Variants in SFTPA1 observed in about 807,000 individuals in gnomAD.
SFTPA1 encodes the protein surfactant protein A1.
In SFTPA1, 13 loss-of-function variants were observed where a neutral mutation model predicts 19.1. That is an observed-to-expected ratio of 0.68 (90% confidence interval 0.44 to 1.08). The LOEUF (loss-of-function observed/expected upper bound fraction) is 1.08. SFTPA1 is among the 50% of genes least tolerant of loss of function. The probability of loss-of-function intolerance (pLI) is 0.00; values close to 1 mark genes in which losing one functional copy is unlikely to be tolerated. For missense variants in SFTPA1, 259 were observed against 316.4 expected, an observed-to-expected ratio of 0.82 and a Z score of 1.38; for synonymous variants, 101 against 117.0, an observed-to-expected ratio of 0.86 and a Z score of 0.88.
Position 79,613,859 on chromosome 10 carries a change from C to G in SFTPA1, c.493C>G (p.Pro165Ala). Reference sequence around the variant, plus strand: ...CAGAGCAGGCGGCCGCATTGCTGTCCCAAGGAATCCAGAGGAAAATGAGGC... The same window carrying G: ...CAGAGCAGGCGGCCGCATTGCTGTCGCAAGGAATCCAGAGGAAAATGAGGC... ...CARAGGRIAV[P>A]RNPEENEAIA... Residue 165 changes from proline (P) to alanine (A), a missense_variant, in exon 6 of 6, where the codon CCA becomes GCA. Coordinates refer to ENST00000398636, the MANE Select transcript of SFTPA1 (RefSeq NM_005411.5). 6.2e-7 allele frequency: 1 copy of G among 1,613,888 alleles called. No homozygotes were observed. Among genetic ancestry groups the G allele is most frequent in the South Asian group, 1.1e-5 (1 of 91,080 alleles).
intron 5 of SFTPA1, among the ~76,000 whole-genome samples, 178 bp from the exon 6 acceptor site, chr10:79,613,559 T>G (rs1457651097): frequency 1.3e-5 from 2 of 152,106 alleles, no homozygotes; most frequent in African/African-American, 2.4e-5. Flanking sequence ...GGTGAATGAA[T>G]AAATGGAGGA....
rs1859871456 is a variant in SFTPA1 at position 79,611,892 on chromosome 10, A to G, written c.67A>G (p.Lys23Glu). 2 of 1,613,940 alleles carry G rather than the reference A, an allele frequency of 1.2e-6. No individual in the cohort carries two copies. The highest frequency in any genetic ancestry group is 1.7e-6 in the Non-Finnish European group (2 of 1,179,850). ...MAASGAVCEV[K>E]DVCVGSPGIP... ...AGCCTCTGGTGCTGTGTGCGAAGTG[A>G]AGGACGTTTGTGTTGGAAGCCCTGG... The change falls in exon 3 of 6, where the codon AAG becomes GAG. Residue 23 changes from lysine to glutamate, a missense_variant. Coordinates refer to ENST00000398636, the MANE Select transcript of SFTPA1 (RefSeq NM_005411.5).
At chr10:79,613,466 G>A (rs1259514632) in intron 5 of SFTPA1, among the ~76,000 whole-genome samples, 200 bp downstream of exon 5, 2 of 152,190 alleles carry the variant, frequency 1.3e-5, no homozygotes, top group African/African-American at 2.4e-5. Context: ...CCATTTCATA[G>A]GAAAGCAAGT....
chr10:79,612,295 G>A lies in SFTPA1; in HGVS notation c.173-17G>A. On this transcript the variant is annotated splice_polypyrimidine_tract_variant and intron_variant, in intron 3 of 5. Transcript: ENST00000398636. ...TGGGTGACAGATCCTACACATCCATGTCTCTTTTCTCTGCAGGCCCCATGG... is the reference window on the plus strand; with the variant it reads ...TGGGTGACAGATCCTACACATCCATATCTCTTTTCTCTGCAGGCCCCATGG... 1 of 1,613,870 alleles carries A rather than the reference G, an allele frequency of 6.2e-7. No individual in the cohort carries two copies. Among genetic ancestry groups the A allele is most frequent in the South Asian group, 1.1e-5 (1 of 91,080 alleles).
In SFTPA1 at chr10:79,612,950, AG is replaced by A. The variant is rs1859948112; in HGVS notation, c.293-237del. Among the ~76,000 whole-genome samples the A allele has an allele frequency of 3.3e-5, 5 of 152,050 alleles. No homozygotes were observed. In the South Asian group the frequency reaches 1.0e-3, roughly 32 times the overall value. Reference sequence around the variant, plus strand: ...GACAGAACCCCTCGAGGGACAGAGCAGGAAAGAGGACAAGGGGTGGGGGTCT... The same window carrying A: ...GACAGAACCCCTCGAGGGACAGAGCAGAAAGAGGACAAGGGGTGGGGGTCT... On this transcript the variant is annotated intron_variant, in intron 4 of 5. Coordinates refer to ENST00000398636, the MANE Select transcript of SFTPA1 (RefSeq NM_005411.5).
chr10:79,613,957 C>T lies in SFTPA1; in HGVS notation c.591C>T (p.Asp197=), dbSNP rs1860017090. Residue 197 remains aspartate, a synonymous_variant, in exon 6 of 6, where the codon GAC becomes GAT. Transcript: ENST00000398636. Reference sequence around the variant, plus strand: ...TGACTGAGGGTCCCAGCCCTGGAGACTTCCGCTACTCAGACGGGACCCCTG... The same window carrying T: ...TGACTGAGGGTCCCAGCCCTGGAGATTTCCGCTACTCAGACGGGACCCCTG... ...VGLTEGPSPG[D]FRYSDGTPVN... 6.2e-7 allele frequency: 1 copy of T among 1,614,170 alleles called. No individual in the cohort carries two copies. Among genetic ancestry groups the T allele is most frequent in the South Asian group, 1.1e-5 (1 of 91,086 alleles).
Position 79,615,343 on chromosome 10 carries a change from C to T in SFTPA1, c.*1230C>T. The T allele has an allele frequency of 3.9e-6, 1 of 254,696 alleles. No homozygotes were observed. Among genetic ancestry groups the T allele is most frequent in the Non-Finnish European group, 8.1e-6 (1 of 123,386 alleles). 15.8% of individuals were successfully genotyped at this position (254,696 alleles called of 1,614,324 possible). On this transcript the variant is annotated 3_prime_UTR_variant, in exon 6 of 6. Coordinates refer to ENST00000398636, the MANE Select transcript of SFTPA1 (RefSeq NM_005411.5). Reference sequence around the variant, plus strand: ...AGAGAGCAAGTGGCAGAGGCTGGATCCAAACCCATCTTCCTGGACCTGAAG... The same window carrying T: ...AGAGAGCAAGTGGCAGAGGCTGGATTCAAACCCATCTTCCTGGACCTGAAG...
chr10:79,614,092 A>G lies in SFTPA1; in HGVS notation c.726A>G (p.Arg242=). The part of the protein sequence containing the change: ...QWNDRNCLYS[R]LTICEF Reference sequence around the variant, plus strand: ...ATGACAGGAACTGCCTGTACTCCCGACTGACCATCTGTGAGTTCTGAGAGG... The same window carrying G: ...ATGACAGGAACTGCCTGTACTCCCGGCTGACCATCTGTGAGTTCTGAGAGG... Residue 242 remains arginine (R), a synonymous_variant, in exon 6 of 6, where the codon CGA becomes CGG. Coordinates refer to ENST00000398636, the MANE Select transcript of SFTPA1 (RefSeq NM_005411.5). The G allele has an allele frequency of 2.5e-6, 4 of 1,614,210 alleles. No homozygotes were observed. Among genetic ancestry groups the G allele is most frequent in the Non-Finnish European group, 3.4e-6 (4 of 1,180,026 alleles).
chr10:79,612,281 T>G, intron 3 of SFTPA1, 31 bp from the exon 4 acceptor site: 1 of 1,613,770 alleles, frequency 6.2e-7, no homozygotes, highest in Non-Finnish European at 8.5e-7. Flanking sequence ...GGGTGACAGA[T>G]CCTACACATC....
At position 79,611,590 on chromosome 10, in the gene SFTPA1, C is replaced by G. The variant is rs1016233754; in HGVS notation, c.-24+201C>G. ...TTCCTCCTCCTCAGCAGCCTGGAGA[C>G]CCCACAACCTCCAGCCGGAGGCCTG... On this transcript the variant is annotated intron_variant, in intron 2 of 5. Coordinates refer to ENST00000398636, the MANE Select transcript of SFTPA1 (RefSeq NM_005411.5). The G allele has an allele frequency of 3.8e-5, 59 of 1,550,644 alleles. No homozygotes were observed. The East Asian group carries it at 1.4e-3, about 38-fold the overall frequency.
At chr10:79,613,317 C>T (rs1486880725) in intron 5 of SFTPA1, 51 bp downstream of exon 5, 1 of 1,610,052 alleles carries the variant, frequency 6.2e-7, no homozygotes, top group South Asian at 1.1e-5. Flanking sequence ...ACAAATTCCC[C>T]TCATTCTCAG....
rs552268894 is a variant in SFTPA1 at position 79,614,833 on chromosome 10, C to T, written c.*720C>T. 16 of 481,024 alleles carry T rather than the reference C, an allele frequency of 3.3e-5. 1 individual carries two copies. Among genetic ancestry groups the T allele is most frequent in the African/African-American group, 1.8e-4 (9 of 48,978 alleles). 29.8% of individuals were successfully genotyped at this position (481,024 alleles called of 1,614,324 possible). On this transcript the variant is annotated 3_prime_UTR_variant, in exon 6 of 6. Transcript: ENST00000398636. ...CCTAGAGCCGCCTTCAGATGTGACC[C>T]GAGTAACTTTCAACTGATGAACAAA...
At chr10:79,612,465 ATG>A (rs1275226196) in intron 4 of SFTPA1, 34 bp downstream of exon 4, 1 of 1,603,926 alleles carries the variant, frequency 6.2e-7, no homozygotes, top group Non-Finnish European at 8.5e-7. Context: ...CAGTGGAAAC[ATG>A]GGCACAGCGA....
chr10:79,612,407 G>A lies in SFTPA1; in HGVS notation c.268G>A (p.Glu90Lys). The change falls in exon 4 of 6, where the codon GAG (glutamate) becomes AAG (lysine). Residue 90 changes from glutamate to lysine, a missense_variant. By Grantham distance (56) the Glu-to-Lys change is moderately conservative (BLOSUM62 1). Coordinates refer to ENST00000398636, the MANE Select transcript of SFTPA1 (RefSeq NM_005411.5). ...GIPGECGEKGEPGERGPPGLP... is the reference protein window; with the variant it reads ...GIPGECGEKGKPGERGPPGLP... ...CCCTGGAGAGTGTGGAGAGAAGGGG[G>A]AGCCTGGCGAGAGGGGCCCTCCAGG... is the stretch of plus-strand genomic sequence containing the variant. 2.5e-6 allele frequency: 4 copies of A among 1,613,696 alleles called. No individual in the cohort carries two copies. The highest frequency in any genetic ancestry group is 1.7e-4 in the Middle Eastern group (1 of 6,056).
Position 79,614,096 on chromosome 10 carries a change from A to G in SFTPA1, c.730A>G (p.Thr244Ala). ...NDRNCLYSRL[T>A]ICEF ...CAGGAACTGCCTGTACTCCCGACTG[A>G]CCATCTGTGAGTTCTGAGAGGCATT... The change falls in exon 6 of 6, where the codon ACC becomes GCC. Residue 244 changes from threonine to alanine, a missense_variant. By Grantham distance (58) the Thr-to-Ala change is moderately conservative (BLOSUM62 0). Coordinates refer to ENST00000398636, the MANE Select transcript of SFTPA1 (RefSeq NM_005411.5). 1.2e-6 allele frequency: 2 copies of G among 1,614,160 alleles called. No homozygotes were observed. The highest frequency in any genetic ancestry group is 1.3e-5 in the African/African-American group (1 of 75,044).
Position 79,614,915 on chromosome 10 carries a change from T to C in SFTPA1, c.*802T>C. ...TCACACCACCCCCCACACCACTGGC[T>C]CTGCTTTCTCCTTTCATTAATCCAT... On this transcript the variant is annotated 3_prime_UTR_variant, in exon 6 of 6. Coordinates refer to ENST00000398636, the MANE Select transcript of SFTPA1 (RefSeq NM_005411.5). 8.7e-7 allele frequency: 1 copy of C among 1,152,544 alleles called. No individual in the cohort carries two copies. The highest frequency in any genetic ancestry group is 1.2e-6 in the Non-Finnish European group (1 of 863,584). 71.4% of individuals were successfully genotyped at this position (1,152,544 alleles called of 1,614,324 possible). A position where few individuals can be genotyped will look rare whatever the true frequency, so the allele number is the denominator to read the frequency against.
At position 79,613,847 on chromosome 10, in the gene SFTPA1, C is replaced by T. The variant is rs771474114; in HGVS notation, c.481C>T (p.Arg161Cys). 2.1e-5 allele frequency: 34 copies of T among 1,613,868 alleles called. No individual in the cohort carries two copies. The highest frequency in any genetic ancestry group is 1.7e-4 in the Middle Eastern group (1 of 6,056). Residue 161 changes from arginine to cysteine, a missense_variant, in exon 6 of 6, where the codon CGC (arginine) becomes TGC (cysteine). By Grantham distance (180) the Arg-to-Cys change is radical. Coordinates refer to ENST00000398636, the MANE Select transcript of SFTPA1 (RefSeq NM_005411.5). ...IQEACARAGG[R>C]IAVPRNPEEN... ...GGAGGCATGTGCCAGAGCAGGCGGC[C>T]GCATTGCTGTCCCAAGGAATCCAGA...
intron 3 of SFTPA1, 71 bp downstream of exon 3, chr10:79,612,068 C>T (rs993494406): frequency 5.0e-6 from 8 of 1,591,448 alleles, no homozygotes; most frequent in Admixed American, 1.7e-5. Context: ...TCTGTCCAGG[C>T]CCCTAGGCTG....
In SFTPA1 at chr10:79,614,280, C is replaced by A; in HGVS notation, c.*167C>A. The stretch of plus-strand genomic sequence containing the variant: ...ACTTCATTCCTCTGATGGGCCCTGA[C>A]TCTTCCCCATAATCACTGACCAGCC... On this transcript the variant is annotated 3_prime_UTR_variant, in exon 6 of 6. Transcript: ENST00000398636. 4 of 1,091,366 alleles carry A rather than the reference C, an allele frequency of 3.7e-6. No homozygotes were observed. Among genetic ancestry groups the A allele is most frequent in the Non-Finnish European group, 5.2e-6 (4 of 765,798 alleles). 67.6% of individuals were successfully genotyped at this position (1,091,366 alleles called of 1,614,324 possible).
Sources: gnomAD v4.1 joint callset for allele counts (sites outside exome capture counted in the v4.1 genomes callset) on GRCh38, gnomAD v4.1.1 for gene constraint, MANE v1.5 for transcripts, NCBI Gene and HGNC (gene_info 2026-07-23, HGNC 2026-07-21) for gene names.